Variants in NRG3 observed in about 807,000 individuals in gnomAD.
NRG3 encodes neuregulin 3.
A neutral mutation model predicts 66.9 loss-of-function variants in NRG3; 31 were observed. The ratio of observed to expected loss-of-function variants is 0.46; its 90% CI spans 0.35 to 0.63. The LOEUF (loss-of-function observed/expected upper bound fraction) is 0.63, where lower values mean the gene tolerates loss of function less well. Ranked by LOEUF, NRG3 falls within the 20% of genes least tolerant of loss-of-function variation. NRG3 has a pLI of 0.00. For synonymous variants in NRG3, 393 were observed against 359.4 expected, an observed-to-expected ratio of 1.09 and a Z score of -1.06; for missense variants, 910 against 878.9, an observed-to-expected ratio of 1.04 and a Z score of -0.45.
intron 2 of NRG3, among the ~76,000 whole-genome samples, chr10:82,474,161 G>A (rs117031773): frequency 0.011 from 1,738 of 151,874 alleles, 17 homozygotes; most frequent in Middle Eastern, 0.071. Context: ...GTCTGTGTCT[G>A]TTTTTTGCAA....
chr10:82,349,712 G>C (rs1023862419), intron 1 of NRG3, among the ~76,000 whole-genome samples: 59 of 152,072 alleles, frequency 3.9e-4, no homozygotes, highest in Admixed American at 1.9e-3. Context: ...CTAGCAATCA[G>C]GGAGACTCCG....
chr10:82,180,971 C>G (rs998209177), intron 1 of NRG3, among the ~76,000 whole-genome samples: 1 of 151,678 alleles, frequency 6.6e-6, no homozygotes, highest in African/African-American at 2.4e-5. Context: ...TAGGTCTGTT[C>G]TGATTTTTCA....
At chr10:81,884,885 C>A (rs557476709) in intron 1 of NRG3, among the ~76,000 whole-genome samples, 3 of 152,130 alleles carry the variant, frequency 2.0e-5, no homozygotes, top group Non-Finnish European at 4.4e-5. Flanking sequence ...ACATATCCAT[C>A]ACCTCCAAAA....
At chr10:81,998,766 A>T (rs929370343) in intron 1 of NRG3, among the ~76,000 whole-genome samples, 2 of 152,204 alleles carry the variant, frequency 1.3e-5, no homozygotes, top group Non-Finnish European at 2.9e-5. Context: ...AAGGATAAGC[A>T]TATATCTTAA....
At chr10:82,643,272 AT>A (rs1356302017) in intron 2 of NRG3, among the ~76,000 whole-genome samples, 1 of 151,998 alleles carries the variant, frequency 6.6e-6, no homozygotes, top group Non-Finnish European at 1.5e-5. Flanking sequence ...TGTTATTGTG[AT>A]AGTGAATAAG....
intron 1 of NRG3, among the ~76,000 whole-genome samples, chr10:82,063,854 G>A (rs1193309227): frequency 6.6e-6 from 1 of 152,132 alleles, no homozygotes; most frequent in African/African-American, 2.4e-5. Context: ...TTTGCCTGCT[G>A]GCTTACATCA....
chr10:82,063,512 C>CTTT (rs60251056), intron 1 of NRG3, among the ~76,000 whole-genome samples: 62,882 of 147,316 alleles, frequency 0.43, 14,723 homozygotes, highest in South Asian at 0.58. Context: ...AGGAAAAGAT[C>CTTT]TTTTTTTTTT....
intron 1 of NRG3, among the ~76,000 whole-genome samples, chr10:82,329,550 T>C (rs2082042605): frequency 6.6e-6 from 1 of 151,882 alleles, no homozygotes; most frequent in Admixed American, 6.6e-5. Flanking sequence ...ACAGGGGTTA[T>C]AGAGCACACA....
At chr10:82,262,054 C>T (rs2078058153) in intron 1 of NRG3, among the ~76,000 whole-genome samples, 1 of 152,178 alleles carries the variant, frequency 6.6e-6, no homozygotes, top group Admixed American at 6.5e-5. Context: ...TTCCTGAGGC[C>T]TTCACCAGGA....
intron 2 of NRG3, among the ~76,000 whole-genome samples, chr10:82,737,154 G>A (rs1253783275): frequency 6.6e-6 from 1 of 152,042 alleles, no homozygotes; most frequent in African/African-American, 2.4e-5. Context: ...ATGTGTTTAT[G>A]CTTTAAAAAA....
chr10:82,367,373 C>A (rs1419162523), intron 2 of NRG3, among the ~76,000 whole-genome samples: 1 of 152,100 alleles, frequency 6.6e-6, no homozygotes, highest in African/African-American at 2.4e-5. Context: ...GTGCTAGCAA[C>A]TAAAACACCT....
chr10:82,453,895 T>C (rs2091149450), intron 2 of NRG3, among the ~76,000 whole-genome samples: 1 of 152,198 alleles, frequency 6.6e-6, no homozygotes, highest in Admixed American at 6.5e-5. Flanking sequence ...CACATGCTTT[T>C]CATGTGTCAT....
intron 1 of NRG3, among the ~76,000 whole-genome samples, chr10:82,286,880 C>A (rs1382368227): frequency 6.6e-6 from 1 of 152,124 alleles, no homozygotes; most frequent in Non-Finnish European, 1.5e-5. Flanking sequence ...GCCACCGTGC[C>A]CAGTTAGATA....
intron 6 of NRG3, among the ~76,000 whole-genome samples, chr10:82,971,952 C>G (rs906985644): frequency 1.3e-5 from 2 of 152,030 alleles, no homozygotes; most frequent in African/African-American, 4.8e-5. Context: ...ATTCTGTCGA[C>G]TTTTTTCTCT....
chr10:82,954,740 C>A (rs1335047998), intron 5 of NRG3, among the ~76,000 whole-genome samples: 1 of 151,218 alleles, frequency 6.6e-6, no homozygotes, highest in Non-Finnish European at 1.5e-5. Flanking sequence ...CACCACCTTA[C>A]CAAGCACCTA....
At chr10:82,464,875 C>T (rs1840532636) in intron 2 of NRG3, among the ~76,000 whole-genome samples, 1 of 152,102 alleles carries the variant, frequency 6.6e-6, no homozygotes, top group African/African-American at 2.4e-5. Context: ...GGAGTGTTTC[C>T]CCCAGCTTCC....
chr10:81,954,932 C>T (rs1262672932), intron 1 of NRG3, among the ~76,000 whole-genome samples: 2 of 151,882 alleles, frequency 1.3e-5, no homozygotes, highest in African/African-American at 2.4e-5. Context: ...TATGATTTCA[C>T]ATGTTATTTA....
At chr10:82,359,757 TTAAA>T (rs1159825444) in intron 2 of NRG3, among the ~76,000 whole-genome samples, 3 of 152,202 alleles carry the variant, frequency 2.0e-5, no homozygotes, top group African/African-American at 4.8e-5. Context: ...GACACAGTTA[TTAAA>T]TTAATTATTC....
At chr10:82,844,526 T>A (rs2063214638) in intron 3 of NRG3, among the ~76,000 whole-genome samples, 1 of 152,144 alleles carries the variant, frequency 6.6e-6, no homozygotes, top group Admixed American at 6.6e-5. Flanking sequence ...TCTTGGACAA[T>A]TTACTTACCC....
Sources: gnomAD v4.1 joint callset for allele counts (sites outside exome capture counted in the v4.1 genomes callset) on GRCh38, gnomAD v4.1.1 for gene constraint, MANE v1.5 for transcripts, NCBI Gene and HGNC (gene_info 2026-07-23, HGNC 2026-07-21) for gene names.